The following RAB7A variants were observed in gnomAD, a reference collection of about 807,000 sequenced individuals.
The protein encoded by RAB7A is ras-related protein Rab-7a.
Under a neutral mutation model 24.5 loss-of-function variants are expected in RAB7A, and 2 were observed. The observed-to-expected ratio is 0.08, with a 90% CI of 0.03 to 0.26. The LOEUF (loss-of-function observed/expected upper bound fraction) is 0.26, where lower values mean the gene tolerates loss of function less well. RAB7A is among the 10% of genes least tolerant of loss of function. RAB7A has a pLI of 1.00. For missense variants in RAB7A, 118 were observed against 255.7 expected, an observed-to-expected ratio of 0.46 and a Z score of 3.67; for synonymous variants, 100 against 95.9, an observed-to-expected ratio of 1.04 and a Z score of -0.25.
At chr3:128,764,294 C>CTT (rs60683091) in intron 1 of RAB7A, among the ~76,000 whole-genome samples, 8 of 146,902 alleles carry the variant, frequency 5.4e-5, no homozygotes, top group Admixed American at 2.7e-4. Flanking sequence ...AACTTTCTTT[C>CTT]TTTTTTTTTT....
chr3:128,772,389 TGA>T (rs1354819187), intron 1 of RAB7A, among the ~76,000 whole-genome samples: 1 of 152,248 alleles, frequency 6.6e-6, no homozygotes, highest in Non-Finnish European at 1.5e-5. Flanking sequence ...TTACAGAATG[TGA>T]GAGTTTATAA....
chr3:128,763,780 C>T (rs1256615487), intron 1 of RAB7A, among the ~76,000 whole-genome samples: 2 of 151,890 alleles, frequency 1.3e-5, no homozygotes, highest in East Asian at 3.9e-4. Flanking sequence ...TACCTGAATC[C>T]CTTCATTAAA....
chr3:128,807,772 T>G, intron 5 of RAB7A, 101 bp downstream of exon 5: 1 of 1,531,500 alleles, frequency 6.5e-7, no homozygotes, highest in South Asian at 1.1e-5. Context: ...TAACCCACTC[T>G]TTTCTGTATA....
rs780647577 is a variant in RAB7A, at chr3:128,784,333, C to A, written c.-8-11027C>A. On this transcript the variant is annotated intron_variant, in intron 1 of 5. Transcript: ENST00000265062. ...ACTTCCTTGGCGTTTTCCCTCATTT[C>A]CCATACCCATCCCAATCCAATCCAT... is the stretch of plus-strand genomic sequence containing the variant. 4.8e-4 allele frequency among the ~76,000 whole-genome samples: 73 copies of A among 152,318 alleles called. 1 individual carries two copies. The highest frequency in any genetic ancestry group is 3.4e-3 in the Middle Eastern group (1 of 294).
At chr3:128,753,439 C>T (rs757216993) in intron 1 of RAB7A, among the ~76,000 whole-genome samples, 12 of 151,980 alleles carry the variant, frequency 7.9e-5, no homozygotes, top group Non-Finnish European at 1.6e-4. Context: ...TAGTAAATTT[C>T]GTATGCGTGT....
At chr3:128,743,019 C>T (rs541935596) in intron 1 of RAB7A, among the ~76,000 whole-genome samples, 51 of 152,300 alleles carry the variant, frequency 3.3e-4, no homozygotes, top group African/African-American at 1.0e-3. Flanking sequence ...GGGAGCCCAC[C>T]GCAGGAGGGC....
chr3:128,813,296 G>A (rs780684427), intron 5 of RAB7A, 31 bp from the exon 6 acceptor site: 3 of 1,595,100 alleles, frequency 1.9e-6, no homozygotes, highest in South Asian at 1.1e-5. Flanking sequence ...TATTCCCTGA[G>A]TAACCAACCT....
intron 3 of RAB7A, among the ~76,000 whole-genome samples, chr3:128,805,429 A>G (rs1933783628): frequency 6.6e-6 from 1 of 152,112 alleles, no homozygotes; most frequent in Non-Finnish European, 1.5e-5. Context: ...TTACGGATCT[A>G]GGGCAGTAAG....
chr3:128,740,076 A>G (rs2070535329), intron 1 of RAB7A, among the ~76,000 whole-genome samples: 1 of 151,534 alleles, frequency 6.6e-6, no homozygotes, highest in Non-Finnish European at 1.5e-5. Context: ...CAAAAAAAAC[A>G]AAAACAAAGA....
chr3:128,813,531 C>A lies in RAB7A; in HGVS notation c.*109C>A. On this transcript the variant is annotated 3_prime_UTR_variant, in exon 6 of 6. Coordinates refer to ENST00000265062, the MANE Select transcript of RAB7A (RefSeq NM_004637.6). ...AAACAAAACATACATTGATCTCTCA[C>A]ATCCAGCTGCCAAAAGAAAACCCCA... 1 of 1,048,250 alleles carries A rather than the reference C, an allele frequency of 9.5e-7. No individual in the cohort carries two copies. The highest frequency in any genetic ancestry group is 1.5e-6 in the Non-Finnish European group (1 of 682,906). 64.9% of individuals were successfully genotyped at this position (1,048,250 alleles called of 1,614,324 possible). A position where few individuals can be genotyped will look rare whatever the true frequency, so the allele number is the denominator to read the frequency against.
At chr3:128,765,783 CAG>C (rs2070825645) in intron 1 of RAB7A, among the ~76,000 whole-genome samples, 1 of 142,256 alleles carries the variant, frequency 7.0e-6, no homozygotes, top group African/African-American at 2.6e-5. Context: ...TTTCCCGAGA[CAG>C]AGTTTCTCTC....
intron 1 of RAB7A, among the ~76,000 whole-genome samples, chr3:128,741,564 A>G (rs2107586396): frequency 6.6e-6 from 1 of 152,136 alleles, no homozygotes; most frequent in African/African-American, 2.4e-5. Context: ...TTATTTACGA[A>G]ATAGAGATGG....
At chr3:128,806,642 C>G (rs772760199) in intron 4 of RAB7A, 52 bp downstream of exon 4, 1 of 1,544,502 alleles carries the variant, frequency 6.5e-7, no homozygotes. Flanking sequence ...CCCCAGGGGC[C>G]TTGTGAATTT....
chr3:128,775,197 T>G (rs1185756988), intron 1 of RAB7A, among the ~76,000 whole-genome samples: 1 of 152,066 alleles, frequency 6.6e-6, no homozygotes, highest in Non-Finnish European at 1.5e-5. Flanking sequence ...GGAGGAGAGG[T>G]AGAAATGCAA....
At chr3:128,754,979 G>T (rs2070717403) in intron 1 of RAB7A, among the ~76,000 whole-genome samples, 1 of 152,140 alleles carries the variant, frequency 6.6e-6, no homozygotes, top group African/African-American at 2.4e-5. Flanking sequence ...TAGGGAAATA[G>T]AATATAGTAC....
chr3:128,762,826 AT>A (rs1216690019), intron 1 of RAB7A, among the ~76,000 whole-genome samples: 1 of 152,214 alleles, frequency 6.6e-6, no homozygotes, highest in African/African-American at 2.4e-5. Context: ...TTATGAAAAA[AT>A]GTCAGACATA....
intron 1 of RAB7A, among the ~76,000 whole-genome samples, chr3:128,788,087 C>T (rs373938738): frequency 9.2e-5 from 14 of 152,328 alleles, no homozygotes; most frequent in East Asian, 7.7e-4. Context: ...AGTGAATCAT[C>T]GCTTTGTCCA....
intron 1 of RAB7A, 45 bp from the exon 2 acceptor site, chr3:128,795,315 G>GTGTTT: frequency 6.6e-7 from 1 of 1,520,194 alleles, no homozygotes; most frequent in Non-Finnish European, 9.1e-7. Context: ...TTTTGTTTTG[G>GTGTTT]TGTTTCCATC....
chr3:128,757,451 C>T (rs189368314), intron 1 of RAB7A, among the ~76,000 whole-genome samples: 3 of 151,766 alleles, frequency 2.0e-5, no homozygotes, highest in African/African-American at 2.4e-5. Context: ...GAAGTACAGG[C>T]GAGGCAGAGG....
Sources: gnomAD v4.1 joint callset for allele counts (sites outside exome capture counted in the v4.1 genomes callset) on GRCh38, gnomAD v4.1.1 for gene constraint, MANE v1.5 for transcripts, NCBI Gene and HGNC (gene_info 2026-07-23, HGNC 2026-07-21) for gene names.